CLEC16A: variants seen among roughly 807,000 people sequenced by gnomAD.
CLEC16A encodes the protein C-type lectin domain containing 16A.
Under a neutral mutation model 109.5 loss-of-function variants are expected in CLEC16A, and 51 were observed. The ratio of observed to expected loss-of-function variants is 0.47; its 90% CI spans 0.37 to 0.59. The LOEUF (loss-of-function observed/expected upper bound fraction) is 0.59, where lower values mean the gene tolerates loss of function less well. Among genes scored for constraint, CLEC16A ranks in the 20% least tolerant of loss-of-function variants. The probability of loss-of-function intolerance (pLI) is 0.00; values close to 1 mark genes in which losing one functional copy is unlikely to be tolerated. For missense variants in CLEC16A, 1,339 were observed against 1,394.0 expected, an observed-to-expected ratio of 0.96 and a Z score of 0.63; for synonymous variants, 673 against 564.2, an observed-to-expected ratio of 1.19 and a Z score of -2.73.
intron 22 of CLEC16A, among the ~76,000 whole-genome samples, chr16:11,133,165 C>G (rs2053333769): frequency 6.6e-6 from 1 of 152,074 alleles, no homozygotes; most frequent in African/African-American, 2.4e-5. Flanking sequence ...ATGGCGAAAC[C>G]TCGTCTCTAC....
chr16:11,157,841 G>GT (rs2153085799), intron 22 of CLEC16A, among the ~76,000 whole-genome samples: 1 of 152,280 alleles, frequency 6.6e-6, no homozygotes, highest in Admixed American at 6.5e-5. Context: ...CTTTCCTAGG[G>GT]TAGCCCCCCA....
At chr16:10,957,733 T>G (rs750154437) in intron 1 of CLEC16A, 49 bp from the exon 2 acceptor site, 3 of 1,604,042 alleles carry the variant, frequency 1.9e-6, no homozygotes, top group African/African-American at 2.7e-5. Flanking sequence ...GAACTTGGCT[T>G]GCATTTCAGT....
intron 9 of CLEC16A, among the ~76,000 whole-genome samples, chr16:10,981,305 C>G (rs1290209333): frequency 1.3e-5 from 2 of 152,142 alleles, no homozygotes; most frequent in African/African-American, 4.8e-5. Flanking sequence ...TGATGTGTGG[C>G]AGTAATTCGG....
intron 5 of CLEC16A, among the ~76,000 whole-genome samples, chr16:10,972,252 C>G (rs983807748): frequency 3.3e-5 from 5 of 152,246 alleles, no homozygotes; most frequent in Admixed American, 3.3e-4. Context: ...TCAGCTGGCA[C>G]AGAAGCAGCT....
chr16:10,944,573 C>CT lies in CLEC16A; in HGVS notation c.-144dup. The CT allele has an allele frequency of 2.6e-6, 2 of 770,838 alleles. No homozygotes were observed. Among genetic ancestry groups the CT allele is most frequent in the Non-Finnish European group, 4.2e-6 (2 of 479,670 alleles). 47.7% of individuals were successfully genotyped at this position (770,838 alleles called of 1,614,324 possible). A position where few individuals can be genotyped will look rare whatever the true frequency, so the allele number is the denominator to read the frequency against. On this transcript the variant is annotated 5_prime_UTR_variant, in exon 1 of 24. Transcript: ENST00000409790. ...GTTCCGGCTGAATGTCAGTGCTGGG[C>CT]TGTGGGCCGGGGAGGAAGGCGGCTC...
intron 15 of CLEC16A, among the ~76,000 whole-genome samples, chr16:11,042,600 C>G (rs906987437): frequency 9.9e-5 from 15 of 152,206 alleles, no homozygotes; most frequent in Admixed American, 9.8e-4. Context: ...GTTTCTGTTG[C>G]AATTATTTGA....
chr16:11,024,619 G>A, intron 12 of CLEC16A: 3 of 508,336 alleles, frequency 5.9e-6, no homozygotes, highest in Non-Finnish European at 1.1e-5. Context: ...CCTTGGTCAG[G>A]TTCCCCTCTG....
In CLEC16A at chr16:11,174,853, G is replaced by C. The variant is rs1307476539; in HGVS notation, c.2807-3482G>C. 2.6e-5 allele frequency among the ~76,000 whole-genome samples: 4 copies of C among 152,200 alleles called. No homozygotes were observed. The highest frequency in any genetic ancestry group is 4.4e-5 in the Non-Finnish European group (3 of 68,042). ...ATGTGGCCCCACCATCTCCCTTTCT[G>C]AGTGGCACCCACACAGCAGTGAGGC... On this transcript the variant is annotated intron_variant, in intron 23 of 23. Coordinates refer to ENST00000409790, the MANE Select transcript of CLEC16A (RefSeq NM_015226.3). The surrounding 1 kb of genome is among the most constrained non-coding windows in gnomAD (Gnocchi z 4.7).
intron 23 of CLEC16A, among the ~76,000 whole-genome samples, chr16:11,177,815 TTTTGGTTTTGC>T (rs967910155): frequency 6.6e-6 from 1 of 151,628 alleles, no homozygotes; most frequent in African/African-American, 2.4e-5. Context: ...CAAGGTTTTG[TTTTGGTTTTGC>T]AAGCTGAAAA....
At chr16:11,032,351 GTTA>G (rs2046791766) in intron 13 of CLEC16A, among the ~76,000 whole-genome samples, 1 of 152,224 alleles carries the variant, frequency 6.6e-6, no homozygotes, top group Non-Finnish European at 1.5e-5. Context: ...CAGTTGGTCA[GTTA>G]GTGAGCTGAC....
At chr16:10,956,758 G>C (rs2042007853) in intron 1 of CLEC16A, among the ~76,000 whole-genome samples, 1 of 152,104 alleles carries the variant, frequency 6.6e-6, no homozygotes, top group African/African-American at 2.4e-5. Context: ...GGCCTGTTTG[G>C]GTAGATGAAG....
rs534134115 is a variant in CLEC16A at position 11,132,027 on chromosome 16, C to T, written c.2641+5881C>T. On this transcript the variant is annotated intron_variant, in intron 22 of 23. Transcript: ENST00000409790. Reference sequence around the variant, plus strand: ...CTCAAAAAGGGGCCTTCCCTGAGTGCCCAGGTCACCCTAGTTCTCTGCACG... The same window carrying T: ...CTCAAAAAGGGGCCTTCCCTGAGTGTCCAGGTCACCCTAGTTCTCTGCACG... Among the ~76,000 whole-genome samples, 8 of 152,316 alleles carry T rather than the reference C, an allele frequency of 5.3e-5. No individual in the cohort carries two copies. In the South Asian group the frequency reaches 1.7e-3, roughly 32 times the overall value.
intron 1 of CLEC16A, among the ~76,000 whole-genome samples, chr16:10,947,012 C>G (rs1458230585): frequency 1.3e-5 from 2 of 152,254 alleles, no homozygotes. Flanking sequence ...AATGGGGCAT[C>G]TTTGCCAGCC....
intron 19 of CLEC16A, among the ~76,000 whole-genome samples, chr16:11,112,468 G>A (rs1347598477): frequency 7.8e-6 from 1 of 127,458 alleles, no homozygotes; most frequent in Admixed American, 8.9e-5. Context: ...AGACCAGGCT[G>A]GACAACATAG....
intron 18 of CLEC16A, among the ~76,000 whole-genome samples, chr16:11,057,267 G>C (rs566777539): frequency 1.3e-5 from 2 of 152,310 alleles, no homozygotes; most frequent in East Asian, 3.9e-4. Flanking sequence ...AGTGACTGTC[G>C]CCTAAACTAG....
Position 10,977,316 on chromosome 16 carries a change from T to C in CLEC16A, c.820T>C (p.Phe274Leu). ...LNDILIINCE[F>L]LNDVLTDHLL... ...TGACATCCTGATCATCAACTGTGAG[T>C]TCCTCAACGATGTGCTCACTGACCA... The change falls in exon 8 of 24, where the codon TTC becomes CTC. Residue 274 changes from phenylalanine (F) to leucine (L), a missense_variant. By Grantham distance (22) the Phe-to-Leu change is conservative (BLOSUM62 0). Transcript: ENST00000409790. 6.2e-7 allele frequency: 1 copy of C among 1,613,884 alleles called. No homozygotes were observed. Among genetic ancestry groups the C allele is most frequent in the Non-Finnish European group, 8.5e-7 (1 of 1,179,828 alleles).
intron 11 of CLEC16A, among the ~76,000 whole-genome samples, chr16:11,012,724 T>A (rs570634212): frequency 1.3e-5 from 2 of 151,418 alleles, no homozygotes; most frequent in East Asian, 3.9e-4. Flanking sequence ...AAGGAATAAA[T>A]GTTTGCAAAG....
At chr16:11,106,012 A>G (rs888366971) in intron 19 of CLEC16A, among the ~76,000 whole-genome samples, 1 of 152,186 alleles carries the variant, frequency 6.6e-6, no homozygotes, top group Admixed American at 6.5e-5. Flanking sequence ...TGGGAACAAA[A>G]TGGATCTTCA....
intron 19 of CLEC16A, among the ~76,000 whole-genome samples, chr16:11,067,193 T>G (rs1315803686): frequency 2.8e-5 from 4 of 144,870 alleles, no homozygotes; most frequent in South Asian, 2.2e-4. Context: ...GTTTTTGTTT[T>G]TTTTTTTTTT....
Sources: allele counts gnomAD v4.1 joint callset (sites outside exome capture counted in the v4.1 genomes callset), GRCh38; gene constraint gnomAD v4.1.1; non-coding constraint Gnocchi (gnomAD v3.1); transcripts MANE v1.5; gene names NCBI Gene and HGNC (gene_info 2026-07-23, HGNC 2026-07-21).